The following TOPBP1 variants were observed in gnomAD, a reference collection of about 807,000 sequenced individuals.
TOPBP1 encodes DNA topoisomerase II binding protein 1.
TOPBP1 carries 28 observed loss-of-function variants against 167.7 expected under a neutral mutation model. The ratio of observed to expected loss-of-function variants is 0.17; its 90% CI spans 0.12 to 0.23. The LOEUF (loss-of-function observed/expected upper bound fraction) is 0.23. TOPBP1 is among the 10% of genes least tolerant of loss of function. TOPBP1 has a pLI of 1.00. For synonymous variants in TOPBP1, 598 were observed against 611.4 expected, an observed-to-expected ratio of 0.98 and a Z score of 0.32; for missense variants, 1,554 against 1,809.6, an observed-to-expected ratio of 0.86 and a Z score of 2.56.
chr3:133,618,515 T>C, intron 20 of TOPBP1, 82 bp from the exon 21 acceptor site: 1 of 1,361,554 alleles, frequency 7.3e-7, no homozygotes, highest in Non-Finnish European at 1.0e-6. Context: ...CCATAAAAGT[T>C]GTGGCTCACC....
At position 133,623,617 on chromosome 3, in the gene TOPBP1, CAAAT is replaced by C. The variant is rs1264344675; in HGVS notation, c.2929-164_2929-161del. ...TTTACACTGAAAAATTTGCATCATACAAATGACAGATTGTCCTCATGTTTTAAAT... is the reference window on the plus strand; with the variant it reads ...TTTACACTGAAAAATTTGCATCATACGACAGATTGTCCTCATGTTTTAAAT... On this transcript the variant is annotated intron_variant, in intron 17 of 27. Coordinates refer to ENST00000260810, the MANE Select transcript of TOPBP1 (RefSeq NM_007027.4). Among the ~76,000 whole-genome samples the C allele has an allele frequency of 5.3e-5, 8 of 152,244 alleles. No individual in the cohort carries two copies. In the East Asian group the frequency reaches 1.5e-3, roughly 29 times the overall value.
intron 16 of TOPBP1, among the ~76,000 whole-genome samples, chr3:133,624,566 T>C (rs575659256): frequency 6.6e-6 from 1 of 152,352 alleles, no homozygotes; most frequent in South Asian, 2.1e-4. Context: ...CAGAGAGAGG[T>C]TTAGAAGAAT....
intron 23 of TOPBP1, among the ~76,000 whole-genome samples, chr3:133,613,026 A>G (rs766536737): frequency 3.3e-5 from 5 of 151,976 alleles, no homozygotes; most frequent in Non-Finnish European, 7.4e-5. Context: ...TGGCCTGGCT[A>G]ATTTTTGTAT....
At chr3:133,615,206 A>C (rs1934825058) in intron 23 of TOPBP1, among the ~76,000 whole-genome samples, 1 of 152,128 alleles carries the variant, frequency 6.6e-6, no homozygotes. Flanking sequence ...GCGGTGGCTC[A>C]TGCCTGTAAT....
intron 27 of TOPBP1, among the ~76,000 whole-genome samples, chr3:133,604,488 T>C (rs1398746030): frequency 2.0e-5 from 3 of 151,826 alleles, no homozygotes; most frequent in African/African-American, 4.8e-5. Flanking sequence ...TGAAGAACTT[T>C]ATGCCAACAA....
intron 27 of TOPBP1, among the ~76,000 whole-genome samples, chr3:133,602,670 A>C (rs757653660): frequency 1.3e-5 from 2 of 152,190 alleles, no homozygotes; most frequent in Non-Finnish European, 2.9e-5. Flanking sequence ...ATTTTGTGGG[A>C]TAGATGATTT....
intron 14 of TOPBP1, among the ~76,000 whole-genome samples, chr3:133,636,783 A>G (rs1389993105): frequency 6.6e-6 from 1 of 152,174 alleles, no homozygotes; most frequent in East Asian, 1.9e-4. Context: ...ACTTGCTTTT[A>G]AAAGGCAGTA....
chr3:133,628,237 A>C, intron 16 of TOPBP1, 125 bp downstream of exon 16: 1 of 850,846 alleles, frequency 1.2e-6, no homozygotes, highest in African/African-American at 1.7e-5. Context: ...AATCAACTGG[A>C]GAGATTTTGT....
chr3:133,655,465 A>G lies in TOPBP1; in HGVS notation c.567T>C (p.Asp189=), dbSNP rs548084039. ...SQEKKITRYT[D]INMEDFKCPI... ...GACACTTGAAATCTTCCATGTTTAT[A>G]TCAGTATATCTAGTTATTTTTCTGT... Residue 189 remains aspartate, a synonymous_variant, in exon 6 of 28, where the codon GAT becomes GAC. Transcript: ENST00000260810. The G allele has an allele frequency of 3.1e-5, 48 of 1,547,246 alleles. No individual in the cohort carries two copies. The Admixed American group carries it at 3.5e-4, about 11-fold the overall frequency.
chr3:133,605,113 C>T (rs536378797), intron 27 of TOPBP1, among the ~76,000 whole-genome samples: 11 of 150,742 alleles, frequency 7.3e-5, no homozygotes, highest in African/African-American at 2.4e-4. Context: ...GTGGAAGGAT[C>T]ATTTGAGCAC....
At chr3:133,626,383 G>T (rs1016777435) in intron 16 of TOPBP1, among the ~76,000 whole-genome samples, 1 of 152,122 alleles carries the variant, frequency 6.6e-6, no homozygotes, top group Non-Finnish European at 1.5e-5. Flanking sequence ...AGTGGGTAAG[G>T]TACAGGATGC....
chr3:133,636,130 A>C (rs1935662440), intron 14 of TOPBP1, among the ~76,000 whole-genome samples: 1 of 152,166 alleles, frequency 6.6e-6, no homozygotes, highest in African/African-American at 2.4e-5. Context: ...ATGGAGCCAC[A>C]AGGAAGGGTT....
In TOPBP1 at chr3:133,658,027, C is replaced by A. The variant is rs1576317882; in HGVS notation, c.220-86G>T. The A allele has an allele frequency of 5.1e-6, 6 of 1,168,898 alleles. 1 individual carries two copies. In the East Asian group the frequency reaches 1.5e-4, roughly 29 times the overall value. 72.4% of individuals were successfully genotyped at this position (1,168,898 alleles called of 1,614,324 possible). ...TTACATTTTGTAACATTCACCAATT[C>A]TTTACCAAAGTTGATGACCACTGTA... On this transcript the variant is annotated intron_variant, in intron 3 of 27. Transcript: ENST00000260810.
At chr3:133,603,646 A>G (rs1208730307) in intron 27 of TOPBP1, among the ~76,000 whole-genome samples, 1 of 152,204 alleles carries the variant, frequency 6.6e-6, no homozygotes, top group African/African-American at 2.4e-5. Context: ...AAAATCAAAG[A>G]AATTATATAT....
At chr3:133,619,134 A>G (rs984734199) in intron 20 of TOPBP1, among the ~76,000 whole-genome samples, 3 of 129,660 alleles carry the variant, frequency 2.3e-5, no homozygotes, top group Admixed American at 7.7e-5. Flanking sequence ...AACAAAAAAC[A>G]AAAAACAAAA....
At chr3:133,632,858 T>C (rs1470094189) in intron 14 of TOPBP1, among the ~76,000 whole-genome samples, 1 of 152,136 alleles carries the variant, frequency 6.6e-6, no homozygotes, top group Non-Finnish European at 1.5e-5. Context: ...CTGCGTCCTC[T>C]ATCTCCTGGA....
chr3:133,655,158 T>C (rs1202011838), intron 6 of TOPBP1, 132 bp downstream of exon 6: 3 of 418,354 alleles, frequency 7.2e-6, no homozygotes, highest in Non-Finnish European at 7.0e-6. Flanking sequence ...TGAGCTGAGA[T>C]TGTGCCACTG....
chr3:133,647,957 A>G (rs536874148), intron 10 of TOPBP1, among the ~76,000 whole-genome samples: 22 of 152,320 alleles, frequency 1.4e-4, no homozygotes, highest in African/African-American at 5.3e-4. Flanking sequence ...CAAAGAGATA[A>G]TAAACATTTC....
intron 4 of TOPBP1, 98 bp from the exon 5 acceptor site, chr3:133,656,955 G>T: frequency 3.7e-6 from 4 of 1,084,674 alleles, no homozygotes; most frequent in Non-Finnish European, 4.9e-6. Context: ...TTGACAGTTT[G>T]AATACATAAG....
Sources: gnomAD v4.1 joint callset for allele counts (sites outside exome capture counted in the v4.1 genomes callset) on GRCh38, gnomAD v4.1.1 for gene constraint, MANE v1.5 for transcripts, NCBI Gene and HGNC (gene_info 2026-07-23, HGNC 2026-07-21) for gene names.